DDAH1: variants seen among roughly 807,000 people sequenced by gnomAD.
The protein encoded by DDAH1 is N(G),N(G)-dimethylarginine dimethylaminohydrolase 1.
DDAH1 carries 19 observed loss-of-function variants against 28.8 expected under a neutral mutation model. The ratio of observed to expected loss-of-function variants is 0.66; its 90% CI spans 0.46 to 0.97. The LOEUF (loss-of-function observed/expected upper bound fraction) is 0.97. Among genes scored for constraint, DDAH1 ranks in the 50% least tolerant of loss-of-function variants. The pLI, the probability that DDAH1 is intolerant of heterozygous loss-of-function variation, is 0.00. For synonymous variants in DDAH1, 153 were observed against 154.4 expected (o/e 0.99, Z 0.07); for missense variants, 326 against 375.9 (o/e 0.87, Z 1.10).
chr1:85,326,668 T>C (rs1465843826), intron 4 of DDAH1, among the ~76,000 whole-genome samples: 1 of 152,238 alleles, frequency 6.6e-6, no homozygotes, highest in African/African-American at 2.4e-5. Flanking sequence ...GCAGTACCAT[T>C]AATTCTTTTC....
chr1:85,437,848 T>C lies in DDAH1; in HGVS notation c.303+26895A>G, dbSNP rs1355605175. Among the ~76,000 whole-genome samples, 6 of 152,196 alleles carry C rather than the reference T, an allele frequency of 3.9e-5. No homozygotes were observed. The East Asian group carries it at 9.6e-4, about 24-fold the overall frequency. On this transcript the variant is annotated intron_variant, in intron 1 of 5. Transcript: ENST00000284031. The stretch of plus-strand genomic sequence containing the variant: ...ATTTGTTTCATGTAATTTGTTCTCA[T>C]TAACTCCTTATTTCTCACAACAAAT...
At chr1:85,483,984 CCCCAGGAGGGAAATGTTATAAA>C (rs1163597818) in intron 2 of DDAH1, among the ~76,000 whole-genome samples, 7 of 152,064 alleles carry the variant, frequency 4.6e-5, no homozygotes, top group Non-Finnish European at 8.8e-5. Context: ...GTTGTTTTAA[CCCCAGGAGGGAAATGTTATAAA>C]CCCAGTTTGC....
chr1:85,348,075 T>C (rs758503290), intron 4 of DDAH1, among the ~76,000 whole-genome samples: 14 of 152,230 alleles, frequency 9.2e-5, no homozygotes, highest in Non-Finnish European at 4.4e-5. Context: ...AACGAATGCC[T>C]TTCTAGCTAG....
At chr1:85,466,681 A>T (rs1227628429), upstream of DDAH1, among the ~76,000 whole-genome samples, 1 of 152,180 alleles carries the variant, frequency 6.6e-6, no homozygotes, top group Non-Finnish European at 1.5e-5. Flanking sequence ...AGGCAGCCCC[A>T]TTAGCCCCAG....
At chr1:85,546,220 A>T (rs1038890868) in intron 1 of DDAH1, among the ~76,000 whole-genome samples, 2 of 151,774 alleles carry the variant, frequency 1.3e-5, no homozygotes, top group Admixed American at 1.3e-4. Flanking sequence ...GGCCATGGCA[A>T]CTCTGCCCTC....
intron 2 of DDAH1, among the ~76,000 whole-genome samples, chr1:85,474,597 A>C (rs1389553742): frequency 2.0e-5 from 3 of 152,176 alleles, no homozygotes; most frequent in Non-Finnish European, 4.4e-5. Context: ...GATGAGATGC[A>C]TCTGTATCCC....
intron 1 of DDAH1, among the ~76,000 whole-genome samples, chr1:85,457,492 T>C (rs563342677): frequency 6.6e-6 from 1 of 152,124 alleles, no homozygotes; most frequent in East Asian, 1.9e-4. Context: ...GTCTAATTCA[T>C]CTGTATCTCC....
At chr1:85,544,084 G>C (rs1458590154) in intron 1 of DDAH1, among the ~76,000 whole-genome samples, 1 of 152,176 alleles carries the variant, frequency 6.6e-6, no homozygotes, top group Non-Finnish European at 1.5e-5. Context: ...AATGCATTAT[G>C]CACTGATGTA....
At chr1:85,325,352 C>CCT (rs1553121769) in intron 4 of DDAH1, among the ~76,000 whole-genome samples, 1 of 131,046 alleles carries the variant, frequency 7.6e-6, no homozygotes. Context: ...CATGCACGTG[C>CCT]GTGCGCGCGC....
intron 1 of DDAH1, among the ~76,000 whole-genome samples, chr1:85,387,502 T>G (rs1012887970): frequency 4.6e-5 from 7 of 152,220 alleles, no homozygotes; most frequent in African/African-American, 1.7e-4. Context: ...AAAAGTGATC[T>G]TTGCTCCAGT....
intron 1 of DDAH1, among the ~76,000 whole-genome samples, chr1:85,412,674 C>G (rs1652709091): frequency 6.6e-6 from 1 of 152,162 alleles, no homozygotes; most frequent in Admixed American, 6.6e-5. Context: ...ATGATGAGAA[C>G]TGGTCTAAAG....
chr1:85,444,164 CTCT>C (rs1299328831), intron 1 of DDAH1, among the ~76,000 whole-genome samples: 1 of 152,092 alleles, frequency 6.6e-6, no homozygotes, highest in African/African-American at 2.4e-5. Flanking sequence ...TCATAAATAC[CTCT>C]TATTATTTTG....
At chr1:85,556,461 T>A (rs1658972349) in intron 1 of DDAH1, among the ~76,000 whole-genome samples, 1 of 152,184 alleles carries the variant, frequency 6.6e-6, no homozygotes, top group Non-Finnish European at 1.5e-5. Context: ...GGACACGTCA[T>A]CTGTATTTTT....
chr1:85,384,563 T>C (rs72724606), intron 1 of DDAH1, among the ~76,000 whole-genome samples: 52,244 of 152,068 alleles, frequency 0.34, 9,124 homozygotes, highest in South Asian at 0.41. Flanking sequence ...AGCTGTTTCA[T>C]ATAGTTGGTC....
At chr1:85,370,199 G>C (rs1465618009) in intron 1 of DDAH1, among the ~76,000 whole-genome samples, 1 of 152,188 alleles carries the variant, frequency 6.6e-6, no homozygotes, top group Non-Finnish European at 1.5e-5. Flanking sequence ...CTAGGATAAA[G>C]AGACATAGAT....
intron 1 of DDAH1, among the ~76,000 whole-genome samples, chr1:85,442,658 G>A (rs1017423758): frequency 2.0e-5 from 3 of 152,174 alleles, no homozygotes; most frequent in East Asian, 1.9e-4. Flanking sequence ...GTGTAAAAGT[G>A]TTCCTATTTC....
At chr1:85,339,643 T>C (rs1048410931) in intron 4 of DDAH1, among the ~76,000 whole-genome samples, 5 of 152,212 alleles carry the variant, frequency 3.3e-5, no homozygotes, top group African/African-American at 4.8e-5. Context: ...AATTCTAGTA[T>C]TGTGTCATGT....
At chr1:85,484,617 A>G (rs1391495548) in intron 2 of DDAH1, among the ~76,000 whole-genome samples, 2 of 152,242 alleles carry the variant, frequency 1.3e-5, no homozygotes, top group African/African-American at 4.8e-5. Context: ...CTAACCATGT[A>G]GAGCTTTTGA....
intron 1 of DDAH1, among the ~76,000 whole-genome samples, chr1:85,528,896 C>T (rs1287212799): frequency 1.3e-5 from 2 of 150,808 alleles, no homozygotes; most frequent in African/African-American, 2.4e-5. Context: ...ATCGCTTGAA[C>T]CCCGGAGAGG....
Sources: gnomAD v4.1 joint callset for allele counts (sites outside exome capture counted in the v4.1 genomes callset) on GRCh38, gnomAD v4.1.1 for gene constraint, MANE v1.5 for transcripts, NCBI Gene and HGNC (gene_info 2026-07-23, HGNC 2026-07-21) for gene names.